The following NEO1 variants were observed in gnomAD, a reference collection of about 807,000 sequenced individuals.
NEO1 encodes neogenin 1.
In NEO1, 63 loss-of-function variants were observed where a neutral mutation model predicts 159.7. That is an observed-to-expected ratio of 0.39 (90% CI 0.32 to 0.49). The LOEUF (loss-of-function observed/expected upper bound fraction) is 0.49, where lower values mean the gene tolerates loss of function less well. Ranked by LOEUF, NEO1 falls within the 20% of genes least tolerant of loss-of-function variation. The probability of loss-of-function intolerance (pLI) is 0.85; values close to 1 mark genes in which losing one functional copy is unlikely to be tolerated. For synonymous variants in NEO1, 633 were observed against 662.0 expected, an observed-to-expected ratio of 0.96 and a Z score of 0.67; for missense variants, 1,615 against 1,831.0, an observed-to-expected ratio of 0.88 and a Z score of 2.15.
At chr15:73,295,107 C>T (rs1177130928) in intron 26 of NEO1, among the ~76,000 whole-genome samples, 4 of 108,890 alleles carry the variant, frequency 3.7e-5, no homozygotes, top group Non-Finnish European at 6.2e-5. Context: ...GGCAAGATCC[C>T]GTCTCTACTA....
chr15:73,225,349 G>A (rs148372514), intron 7 of NEO1, among the ~76,000 whole-genome samples: 73 of 152,174 alleles, frequency 4.8e-4, no homozygotes, highest in African/African-American at 1.5e-3. Flanking sequence ...CCAGAGGTGC[G>A]CGGGGTCCTA....
intron 7 of NEO1, among the ~76,000 whole-genome samples, chr15:73,228,816 C>T (rs528469609): frequency 6.6e-6 from 1 of 152,164 alleles, no homozygotes; most frequent in East Asian, 1.9e-4. Flanking sequence ...TGTCCCAGCA[C>T]CAGTTGTTGA....
intron 23 of NEO1, among the ~76,000 whole-genome samples, chr15:73,285,874 G>A (rs2041924984): frequency 6.6e-6 from 1 of 152,008 alleles, no homozygotes; most frequent in Admixed American, 6.6e-5. Context: ...CCTCCTAAGT[G>A]TACTTCCCCT....
intron 7 of NEO1, among the ~76,000 whole-genome samples, chr15:73,186,368 CCAGCA>C (rs1466868333): frequency 6.6e-6 from 1 of 151,538 alleles, no homozygotes; most frequent in Non-Finnish European, 1.5e-5. Flanking sequence ...AAAACTATAC[CCAGCA>C]AAAATATCTT....
At position 73,298,583 on chromosome 15, in the gene NEO1, G is replaced by A; in HGVS notation, c.4137G>A (p.Leu1379=). The change falls in exon 27 of 29, where the codon TTG becomes TTA. Residue 1379 remains leucine, a synonymous_variant. Transcript: ENST00000261908. ...GACCTCCCACCTATGATCCTGCATT[G>A]CCAAGCACACCATTACTGTCCCAGC... ...PPGPPTYDPA[L]PSTPLLSQQA... is the part of the protein sequence containing the mutation. 6.2e-7 allele frequency: 1 copy of A among 1,614,186 alleles called. No individual in the cohort carries two copies. The highest frequency in any genetic ancestry group is 8.5e-7 in the Non-Finnish European group (1 of 1,180,028).
chr15:73,128,391 A>T (rs1446768557), intron 4 of NEO1, among the ~76,000 whole-genome samples: 1 of 152,216 alleles, frequency 6.6e-6, no homozygotes, highest in Non-Finnish European at 1.5e-5. Context: ...TTTAAAACAT[A>T]TTTTGTCATG....
In NEO1 at chr15:73,116,570, A is replaced by T. The variant is rs373420094; in HGVS notation, c.161A>T (p.Tyr54Phe). The T allele has an allele frequency of 6.5e-7, 1 of 1,542,320 alleles. No homozygotes were observed. The highest frequency in any genetic ancestry group is 8.7e-7 in the Non-Finnish European group (1 of 1,150,298). ...GASIRTFTPFYFLVEPVDTLS... is the reference protein window; with the variant it reads ...GASIRTFTPFFFLVEPVDTLS... ...AGCATTCGAACGTTCACTCCATTTT[A>T]TTTTCTGGTGGAGCCGGTGGATACA... Residue 54 changes from tyrosine to phenylalanine, a missense_variant, in exon 2 of 29, where the codon TAT becomes TTT. Coordinates refer to ENST00000261908, the MANE Select transcript of NEO1 (RefSeq NM_002499.4).
chr15:73,134,841 C>CAAAT (rs141265635), intron 4 of NEO1, among the ~76,000 whole-genome samples: 2,430 of 152,152 alleles, frequency 0.016, 79 homozygotes, highest in African/African-American at 0.056. Context: ...TATGAAAAGC[C>CAAAT]AAATTATAAT....
chr15:73,082,300 G>A (rs1229784459), intron 1 of NEO1, among the ~76,000 whole-genome samples: 2 of 152,122 alleles, frequency 1.3e-5, no homozygotes, highest in Non-Finnish European at 2.9e-5. Context: ...CTGAGAAAAT[G>A]TTACTTAAAT....
intron 5 of NEO1, among the ~76,000 whole-genome samples, chr15:73,149,514 C>T (rs1258080867): frequency 2.6e-5 from 4 of 152,006 alleles, no homozygotes; most frequent in Non-Finnish European, 5.9e-5. Flanking sequence ...ATTTCTGTCC[C>T]AGGATGATAA....
At chr15:73,113,653 T>C (rs2151594219) in intron 1 of NEO1, among the ~76,000 whole-genome samples, 2 of 152,278 alleles carry the variant, frequency 1.3e-5, no homozygotes, top group South Asian at 4.1e-4. Context: ...TGGTTACTGT[T>C]TTAAAAAGCA....
At chr15:73,097,775 C>G (rs1304035266) in intron 1 of NEO1, among the ~76,000 whole-genome samples, 4 of 80,116 alleles carry the variant, frequency 5.0e-5, no homozygotes, top group African/African-American at 7.4e-5. Flanking sequence ...CTGGAACTAG[C>G]CTTTTTTTTT....
At chr15:73,052,189 A>C (rs1292639958), upstream of NEO1, among the ~76,000 whole-genome samples, 6 of 145,284 alleles carry the variant, frequency 4.1e-5, no homozygotes, top group Non-Finnish European at 7.6e-5. Flanking sequence ...CGGGCCCGCC[A>C]CGGCCCGAGA....
chr15:73,245,032 G>A (rs750873568), intron 9 of NEO1, among the ~76,000 whole-genome samples: 43 of 145,916 alleles, frequency 2.9e-4, no homozygotes, highest in Middle Eastern at 7.3e-3. Flanking sequence ...GCTTTTCTAC[G>A]TGTTCATATT....
intron 15 of NEO1, among the ~76,000 whole-genome samples, chr15:73,261,822 T>G (rs372290395): frequency 6.6e-6 from 1 of 152,126 alleles, no homozygotes; most frequent in Non-Finnish European, 1.5e-5. Flanking sequence ...TCAAAGGAAC[T>G]AGAATAGACA....
intron 21 of NEO1, 72 bp downstream of exon 21, chr15:73,274,796 CTTTTTT>C: frequency 6.5e-6 from 7 of 1,074,058 alleles, no homozygotes; most frequent in Admixed American, 2.5e-5. Flanking sequence ...GTTTTTGTTT[CTTTTTT>C]TTTTTTTTTT....
At chr15:73,166,924 AC>A (rs2034607470) in intron 5 of NEO1, among the ~76,000 whole-genome samples, 1 of 151,996 alleles carries the variant, frequency 6.6e-6, no homozygotes, top group Admixed American at 6.6e-5. Context: ...GCACATATAC[AC>A]CATGGAATAC....
chr15:73,299,628 G>T (rs1304452075), intron 27 of NEO1, among the ~76,000 whole-genome samples: 1 of 152,118 alleles, frequency 6.6e-6, no homozygotes, highest in Admixed American at 6.5e-5. Context: ...CTCGTGATCC[G>T]CCCACCTCGG....
chr15:73,274,676 G>A lies in NEO1; in HGVS notation c.3161-16G>A. 1.2e-6 allele frequency: 2 copies of A among 1,613,660 alleles called. No individual in the cohort carries two copies. The highest frequency in any genetic ancestry group is 1.7e-6 in the Non-Finnish European group (2 of 1,179,822). ...CCTTGCTCTTGTTTTTTCTTCCCCT[G>A]TGCTTGGCCTGTTAGCGGACTCCTC... On this transcript the variant is annotated splice_polypyrimidine_tract_variant and intron_variant, in intron 20 of 28. Coordinates refer to ENST00000261908, the MANE Select transcript of NEO1 (RefSeq NM_002499.4).
Sources: gnomAD v4.1 joint callset for allele counts (sites outside exome capture counted in the v4.1 genomes callset) on GRCh38, gnomAD v4.1.1 for gene constraint, MANE v1.5 for transcripts, NCBI Gene and HGNC (gene_info 2026-07-23, HGNC 2026-07-21) for gene names.